Variants in SORCS2 observed in about 807,000 individuals in gnomAD.
The protein encoded by SORCS2 is VPS10 domain-containing receptor SorCS2.
A neutral mutation model predicts 141.6 loss-of-function variants in SORCS2; 100 were observed. That is an observed-to-expected ratio of 0.71 (90% confidence interval 0.60 to 0.83). The LOEUF is 0.83. Ranked by LOEUF, SORCS2 falls within the 40% of genes least tolerant of loss-of-function variation. The pLI is 0.00. For missense variants in SORCS2, 1,646 were observed against 1,560.2 expected, an observed-to-expected ratio of 1.05 and a Z score of -0.93; for synonymous variants, 789 against 676.9, an observed-to-expected ratio of 1.17 and a Z score of -2.57.
At chr4:7,212,010 C>T (rs1728086982) in intron 1 of SORCS2, among the ~76,000 whole-genome samples, 1 of 152,216 alleles carries the variant, frequency 6.6e-6, no homozygotes, top group South Asian at 2.1e-4. Context: ...GGCTAAATCC[C>T]CTCGGTGGCC....
intron 1 of SORCS2, among the ~76,000 whole-genome samples, chr4:7,288,155 CTG>C (rs1716352413): frequency 6.6e-6 from 1 of 152,206 alleles, no homozygotes; most frequent in African/African-American, 2.4e-5. Context: ...AGGAGTTAAT[CTG>C]TGGGACGTGC....
chr4:7,232,613 G>A (rs1222256916), intron 1 of SORCS2, among the ~76,000 whole-genome samples: 1 of 152,236 alleles, frequency 6.6e-6, no homozygotes, highest in Non-Finnish European at 1.5e-5. Flanking sequence ...TTCAATCTGA[G>A]CCCTCGGTGC....
chr4:7,503,478 A>G (rs1732095093), intron 2 of SORCS2, among the ~76,000 whole-genome samples: 1 of 148,854 alleles, frequency 6.7e-6, no homozygotes, highest in South Asian at 2.3e-4. Flanking sequence ...AGACGGAGAC[A>G]TAGAGGGGCA....
chr4:7,355,048 C>A (rs572416412), intron 1 of SORCS2, among the ~76,000 whole-genome samples: 19 of 152,218 alleles, frequency 1.2e-4, no homozygotes, highest in African/African-American at 4.3e-4. Flanking sequence ...ATTTTACTGA[C>A]AACACCCAAT....
chr4:7,617,180 T>C (rs1718815280), intron 3 of SORCS2, among the ~76,000 whole-genome samples: 2 of 152,292 alleles, frequency 1.3e-5, no homozygotes, highest in South Asian at 4.2e-4. Flanking sequence ...CCAAGTGCCA[T>C]TGATCTATAT....
chr4:7,343,335 C>T (rs1181714016), intron 1 of SORCS2, among the ~76,000 whole-genome samples: 1 of 152,224 alleles, frequency 6.6e-6, no homozygotes, highest in African/African-American at 2.4e-5. Flanking sequence ...GTTCAGCTTC[C>T]TGCCTGACCA....
intron 1 of SORCS2, among the ~76,000 whole-genome samples, chr4:7,305,114 C>T (rs1160631746): frequency 2.6e-5 from 4 of 151,444 alleles, no homozygotes; most frequent in Non-Finnish European, 5.9e-5. Context: ...TCACTGCAAG[C>T]TCCGCCTCCC....
chr4:7,575,884 G>A (rs1331219654), intron 3 of SORCS2, among the ~76,000 whole-genome samples: 2 of 152,214 alleles, frequency 1.3e-5, no homozygotes, highest in African/African-American at 4.8e-5. Flanking sequence ...GCGAAGGAAG[G>A]TGAATTATCT....
intron 1 of SORCS2, among the ~76,000 whole-genome samples, chr4:7,337,640 G>A (rs1310866601): frequency 1.3e-5 from 2 of 151,788 alleles, no homozygotes; most frequent in African/African-American, 4.8e-5. Flanking sequence ...GTTGAAGATG[G>A]TGGGAAGCCA....
At chr4:7,346,403 C>G (rs1436075159) in intron 1 of SORCS2, among the ~76,000 whole-genome samples, 4 of 152,180 alleles carry the variant, frequency 2.6e-5, no homozygotes, top group Non-Finnish European at 5.9e-5. Flanking sequence ...AGAGAACATA[C>G]TTAGAATGAT....
intron 14 of SORCS2, among the ~76,000 whole-genome samples, chr4:7,708,451 G>A (rs910997163): frequency 1.1e-4 from 17 of 152,078 alleles, no homozygotes; most frequent in Non-Finnish European, 2.2e-4. Flanking sequence ...TCCAGTACCC[G>A]CCACGGGTGG....
Position 7,266,590 on chromosome 4 carries a change from G to T in SORCS2, c.480+73464G>T, listed in dbSNP as rs532422667. Among the ~76,000 whole-genome samples the T allele has an allele frequency of 5.9e-5, 9 of 152,300 alleles. No homozygotes were observed. In the South Asian group the frequency reaches 1.9e-3, roughly 32 times the overall value. On this transcript the variant is annotated intron_variant, in intron 1 of 26. Coordinates refer to ENST00000507866, the MANE Select transcript of SORCS2 (RefSeq NM_020777.3). ...TTACTCTCTCCACAGCCTGTTAGCT[G>T]TGAGTCATCCATTCATTCATCAAGC...
chr4:7,458,902 G>A (rs896627198), intron 2 of SORCS2, among the ~76,000 whole-genome samples: 1 of 152,294 alleles, frequency 6.6e-6, no homozygotes, highest in Admixed American at 6.5e-5. Flanking sequence ...GGAGAAAAGG[G>A]TATAACTGGC....
chr4:7,501,683 T>A (rs1391108447), intron 2 of SORCS2, among the ~76,000 whole-genome samples: 2 of 152,224 alleles, frequency 1.3e-5, no homozygotes, highest in Non-Finnish European at 2.9e-5. Flanking sequence ...GGTCTCATTG[T>A]CCCTGTGTGT....
intron 3 of SORCS2, among the ~76,000 whole-genome samples, chr4:7,616,907 G>C (rs1220901828): frequency 6.6e-6 from 1 of 152,234 alleles, no homozygotes; most frequent in East Asian, 1.9e-4. Flanking sequence ...CAGGCTCCCT[G>C]GGGCTGCCTG....
intron 2 of SORCS2, among the ~76,000 whole-genome samples, chr4:7,459,556 GATGATGCC>G (rs1202715814): frequency 6.6e-6 from 1 of 152,182 alleles, no homozygotes; most frequent in African/African-American, 2.4e-5. Flanking sequence ...AGCCCATGAT[GATGATGCC>G]ACGATGCCTG....
rs760446006 is a variant in SORCS2 at position 7,434,606 on chromosome 4, T to C, written c.548+38251T>C. ...CTGGGGAGCCACTCACAGGTCTTCATCACCAAAGCCAGGATGTCAGACTCC... is the reference window on the plus strand; with the variant it reads ...CTGGGGAGCCACTCACAGGTCTTCACCACCAAAGCCAGGATGTCAGACTCC... On this transcript the variant is annotated intron_variant, in intron 2 of 26. Transcript: ENST00000507866. The C allele has an allele frequency of 5.0e-6, 8 of 1,613,294 alleles. No homozygotes were observed. In the Middle Eastern group the frequency reaches 8.2e-4, roughly 166 times the overall value.
chr4:7,320,501 C>G (rs1718830169), intron 1 of SORCS2, among the ~76,000 whole-genome samples: 2 of 152,256 alleles, frequency 1.3e-5, no homozygotes, highest in Non-Finnish European at 2.9e-5. Context: ...TGACATTTTA[C>G]TTTGAGGACA....
Position 7,434,784 on chromosome 4 carries a change from C to A in SORCS2, c.548+38429C>A, listed in dbSNP as rs78978752. The A allele has an allele frequency of 1.5e-3, 2,430 of 1,611,700 alleles. 33 individuals are homozygous for A. The African/African-American group carries it at 0.029, about 19-fold the overall frequency. ...CAGCTGTCTGCAGATCCTGACACCA[C>A]ACCGTGGAGCCCTTTGCACACTCCT... On this transcript the variant is annotated intron_variant, in intron 2 of 26. Transcript: ENST00000507866.
Sources: gnomAD v4.1 joint callset for allele counts (sites outside exome capture counted in the v4.1 genomes callset) on GRCh38, gnomAD v4.1.1 for gene constraint, MANE v1.5 for transcripts, NCBI Gene and HGNC (gene_info 2026-07-23, HGNC 2026-07-21) for gene names.